TRA2A: variants seen among roughly 807,000 people sequenced by gnomAD.
The protein encoded by TRA2A is transformer-2 protein homolog alpha.
Under a neutral mutation model 45.7 loss-of-function variants are expected in TRA2A, and 31 were observed. The ratio of observed to expected loss-of-function variants is 0.68; its 90% CI spans 0.51 to 0.92. The LOEUF is 0.92. Among genes scored for constraint, TRA2A ranks in the 40% least tolerant of loss-of-function variants. The probability of loss-of-function intolerance (pLI) is 0.00; values close to 1 mark genes in which losing one functional copy is unlikely to be tolerated. For missense variants in TRA2A, 304 were observed against 367.5 expected, an observed-to-expected ratio of 0.83 and a Z score of 1.41; for synonymous variants, 132 against 126.2, an observed-to-expected ratio of 1.05 and a Z score of -0.31.
At position 23,517,298 on chromosome 7, in the gene TRA2A, T is replaced by A. The variant is rs1418323242; in HGVS notation, c.171-770A>T. On this transcript the variant is annotated intron_variant, in intron 2 of 7. Transcript: ENST00000297071. ...GAGATCGAGACCATCCTGGCTAACATGGTGAAACCCCTCTACTAAAAATAC... is the reference window on the plus strand; with the variant it reads ...GAGATCGAGACCATCCTGGCTAACAAGGTGAAACCCCTCTACTAAAAATAC... Among the ~76,000 whole-genome samples, 3 of 149,142 alleles carry A rather than the reference T, an allele frequency of 2.0e-5. No homozygotes were observed. In the East Asian group the frequency reaches 6.0e-4, roughly 30 times the overall value.
intron 4 of TRA2A, 117 bp downstream of exon 4, chr7:23,512,773 TAAAA>T: frequency 1.4e-6 from 1 of 705,698 alleles, no homozygotes; most frequent in African/African-American, 2.0e-5. Flanking sequence ...ATCCTATCTT[TAAAA>T]AAAAAAAAAA....
At chr7:23,524,326 G>A (rs1426444419) in intron 1 of TRA2A, among the ~76,000 whole-genome samples, 1 of 152,022 alleles carries the variant, frequency 6.6e-6, no homozygotes, top group Non-Finnish European at 1.5e-5. Flanking sequence ...TGGGATTACA[G>A]GCATGCACCA....
intron 1 of TRA2A, among the ~76,000 whole-genome samples, chr7:23,523,078 C>T (rs1790200342): frequency 6.6e-6 from 1 of 152,124 alleles, no homozygotes; most frequent in Non-Finnish European, 1.5e-5. Context: ...TTATTAATTC[C>T]TGATATACAC....
intron 4 of TRA2A, 43 bp from the exon 5 acceptor site, chr7:23,507,578 C>G (rs371695918): frequency 7.4e-7 from 1 of 1,343,024 alleles, no homozygotes; most frequent in African/African-American, 1.4e-5. Context: ...ATTCACCAGT[C>G]TTGAAGTAAT....
chr7:23,519,868 AAAGT>A (rs1314449135), intron 2 of TRA2A, among the ~76,000 whole-genome samples: 3 of 152,364 alleles, frequency 2.0e-5, no homozygotes, highest in East Asian at 1.9e-4. Flanking sequence ...TGAAGAAAAA[AAAGT>A]AAGAAAATCC....
At chr7:23,527,242 C>G (rs1790375649) in intron 1 of TRA2A, among the ~76,000 whole-genome samples, 1 of 152,104 alleles carries the variant, frequency 6.6e-6, no homozygotes, top group Non-Finnish European at 1.5e-5. Flanking sequence ...GTCACTCCAT[C>G]TTTGGTGAAA....
At chr7:23,506,445 A>G in intron 5 of TRA2A, 179 bp from the exon 6 acceptor site, 1 of 620,448 alleles carries the variant, frequency 1.6e-6, no homozygotes, top group South Asian at 4.1e-5. Flanking sequence ...TATTCCCTAC[A>G]TACATAATCA....
intron 1 of TRA2A, among the ~76,000 whole-genome samples, chr7:23,529,471 G>A (rs767991390): frequency 3.3e-5 from 5 of 152,082 alleles, no homozygotes; most frequent in Non-Finnish European, 7.4e-5. Flanking sequence ...CGTTGGGCAG[G>A]CTAGTCTCGA....
intron 1 of TRA2A, among the ~76,000 whole-genome samples, chr7:23,528,984 T>C (rs1336529750): frequency 6.6e-6 from 1 of 152,114 alleles, no homozygotes; most frequent in Non-Finnish European, 1.5e-5. Context: ...TAAAGAATCA[T>C]TAACCTCCAT....
chr7:23,508,773 C>T (rs538761761), intron 4 of TRA2A, among the ~76,000 whole-genome samples: 11 of 152,148 alleles, frequency 7.2e-5, no homozygotes, highest in Admixed American at 4.6e-4. Flanking sequence ...GGATTACAGG[C>T]GTAAGCCACC....
intron 1 of TRA2A, among the ~76,000 whole-genome samples, chr7:23,528,498 GC>G (rs1297016527): frequency 3.9e-5 from 6 of 152,136 alleles, no homozygotes; most frequent in African/African-American, 1.4e-4. Context: ...GAGCCACCGG[GC>G]CGGCCTTGTT....
At chr7:23,517,709 C>A (rs996969929) in intron 2 of TRA2A, among the ~76,000 whole-genome samples, 1 of 150,812 alleles carries the variant, frequency 6.6e-6, no homozygotes, top group African/African-American at 2.4e-5. Context: ...GTCAAGAGAT[C>A]GAGACCATCC....
chr7:23,526,415 C>T (rs191534669), intron 1 of TRA2A, among the ~76,000 whole-genome samples: 41 of 152,292 alleles, frequency 2.7e-4, no homozygotes, highest in Non-Finnish European at 1.3e-4. Context: ...TACTTTATGA[C>T]ACTGGCGCTC....
intron 5 of TRA2A, among the ~76,000 whole-genome samples, chr7:23,506,765 T>G (rs1313325437): frequency 6.6e-6 from 1 of 152,202 alleles, no homozygotes; most frequent in Non-Finnish European, 1.5e-5. Flanking sequence ...GAATACTGCC[T>G]TTGGTTGTAT....
Position 23,505,791 on chromosome 7 carries a change from A to G in TRA2A, c.793T>C (p.Tyr265His). 1 of 1,560,136 alleles carries G rather than the reference A, an allele frequency of 6.4e-7. No homozygotes were observed. Among genetic ancestry groups the G allele is most frequent in the Non-Finnish European group, 8.6e-7 (1 of 1,157,732 alleles). The change falls in exon 7 of 8, where the codon TAT (tyrosine) becomes CAT (histidine). Residue 265 changes from tyrosine to histidine, a missense_variant. Around this residue, in one of 3 missense-constraint regions of TRA2A, gnomAD observed 42 missense variants for 37.0 expected, o/e 1.14. Coordinates refer to ENST00000297071, the MANE Select transcript of TRA2A (RefSeq NM_013293.5). ...RYRRRSPSPY[Y>H]SRYRSRSRSR... ...CTTGATCGTGATCTATATCGACTAT[A>G]ATAAGGAGAAGGTGATCGTCTTCTG...
In TRA2A at chr7:23,516,466, TGA is replaced by T; in HGVS notation, c.231_232del (p.His78Ter). ...TGATCTACTTCGAGATCGTCTCCTA[TGA>T]GAGTGAGAGTGGGATCTGGATCGAG... On this transcript the variant is annotated frameshift_variant, in exon 3 of 8. Coordinates refer to ENST00000297071, the MANE Select transcript of TRA2A (RefSeq NM_013293.5). LOFTEE classifies it high-confidence loss of function. 1 of 1,612,072 alleles carries T rather than the reference TGA, an allele frequency of 6.2e-7. No homozygotes were observed. The highest frequency in any genetic ancestry group is 8.5e-7 in the Non-Finnish European group (1 of 1,178,108).
chr7:23,518,229 C>G (rs1302000346), intron 2 of TRA2A, among the ~76,000 whole-genome samples: 1 of 151,990 alleles, frequency 6.6e-6, no homozygotes, highest in Admixed American at 6.6e-5. Flanking sequence ...CCATAAAGTT[C>G]TACATTCCCC....
At chr7:23,509,542 C>A (rs1789499075) in intron 4 of TRA2A, among the ~76,000 whole-genome samples, 1 of 151,708 alleles carries the variant, frequency 6.6e-6, no homozygotes, top group African/African-American at 2.4e-5. Flanking sequence ...TCAAGACCAT[C>A]CTGGCCAACA....
intron 7 of TRA2A, 39 bp from the exon 8 acceptor site, chr7:23,505,608 A>AAAAAAAAAAAAAAAAAT: frequency 1.7e-6 from 1 of 591,344 alleles, no homozygotes; most frequent in South Asian, 2.2e-5. Context: ...AAAAAAAAAA[A>AAAAAAAAAAAAAAAAAT]GTTAACAATT....
Sources: gnomAD v4.1 joint callset for allele counts (sites outside exome capture counted in the v4.1 genomes callset) on GRCh38, gnomAD v4.1.1 for gene constraint, gnomAD v4.1.1 regional missense constraint, MANE v1.5 for transcripts, NCBI Gene and HGNC (gene_info 2026-07-23, HGNC 2026-07-21) for gene names.